Variants in COL13A1 observed in about 807,000 individuals in gnomAD.
The protein encoded by COL13A1 is collagen alpha-1(XIII) chain.
Under a neutral mutation model 130.9 loss-of-function variants are expected in COL13A1, and 89 were observed. The observed-to-expected ratio is 0.68, with a 90% CI of 0.57 to 0.81. COL13A1 has a LOEUF of 0.81. Among genes scored for constraint, COL13A1 ranks in the 30% least tolerant of loss-of-function variants. The pLI is 0.00. For synonymous variants in COL13A1, 402 were observed against 341.6 expected (o/e 1.18, Z -1.95); for missense variants, 879 against 934.6 (o/e 0.94, Z 0.78).
At position 69,883,404 on chromosome 10, in the gene COL13A1, C is replaced by A. The variant is rs537730553; in HGVS notation, c.513+2851C>A. 5.9e-5 allele frequency among the ~76,000 whole-genome samples: 9 copies of A among 152,340 alleles called. No homozygotes were observed. The South Asian group carries it at 1.7e-3, about 28-fold the overall frequency. On this transcript the variant is annotated intron_variant, in intron 7 of 40. Transcript: ENST00000645393. Reference sequence around the variant, plus strand: ...ACTTCCAGTCCTCATCCACTAGGAGCCACCCCACACCAGGTAGACACACCT... The same window carrying A: ...ACTTCCAGTCCTCATCCACTAGGAGACACCCCACACCAGGTAGACACACCT...
chr10:69,936,405 C>G (rs975764356), intron 32 of COL13A1, among the ~76,000 whole-genome samples: 2 of 152,180 alleles, frequency 1.3e-5, no homozygotes, highest in Non-Finnish European at 2.9e-5. Flanking sequence ...TAGGAGCCAG[C>G]GTTTATTGAA....
At chr10:69,849,690 C>T (rs1854180068) in intron 2 of COL13A1, among the ~76,000 whole-genome samples, 1 of 152,226 alleles carries the variant, frequency 6.6e-6, no homozygotes, top group Non-Finnish European at 1.5e-5. Context: ...TCTTCCCAGC[C>T]TGCCTCGACC....
intron 2 of COL13A1, among the ~76,000 whole-genome samples, chr10:69,863,535 GA>G (rs953098086): frequency 6.6e-6 from 1 of 152,156 alleles, no homozygotes; most frequent in Non-Finnish European, 1.5e-5. Context: ...AGATGACACT[GA>G]ACTTGGGAGC....
intron 2 of COL13A1, among the ~76,000 whole-genome samples, chr10:69,832,433 A>G (rs1049444606): frequency 6.6e-6 from 1 of 152,234 alleles, no homozygotes; most frequent in African/African-American, 2.4e-5. Flanking sequence ...TAAGGATCTT[A>G]CAGGGTTATT....
At chr10:69,821,985 T>A (rs1386647089) in intron 1 of COL13A1, among the ~76,000 whole-genome samples, 1 of 152,280 alleles carries the variant, frequency 6.6e-6, no homozygotes, top group East Asian at 1.9e-4. Flanking sequence ...CAGAAGGCAC[T>A]GTCCCTGCCC....
chr10:69,881,934 T>C (rs1035810554), intron 7 of COL13A1, among the ~76,000 whole-genome samples: 9 of 152,206 alleles, frequency 5.9e-5, no homozygotes, highest in African/African-American at 2.2e-4. Flanking sequence ...CCAGACCATC[T>C]GGCTCCAGTC....
intron 17 of COL13A1, among the ~76,000 whole-genome samples, chr10:69,914,794 C>T (rs1397604171): frequency 3.9e-5 from 6 of 152,198 alleles, no homozygotes; most frequent in African/African-American, 7.2e-5. Flanking sequence ...ACCGCTGTGG[C>T]GGGAGTAGCC....
chr10:69,882,060 G>C (rs933398628), intron 7 of COL13A1, among the ~76,000 whole-genome samples: 4 of 152,356 alleles, frequency 2.6e-5, no homozygotes, highest in Middle Eastern at 3.4e-3. Context: ...GTGTCCTGGA[G>C]GAGGTGCAGC....
intron 7 of COL13A1, 82 bp from the exon 8 acceptor site, chr10:69,887,374 G>T: frequency 7.0e-7 from 1 of 1,423,852 alleles, no homozygotes. Context: ...AGGGATGGGA[G>T]CAAAGATGAA....
intron 27 of COL13A1, among the ~76,000 whole-genome samples, chr10:69,928,201 AT>A (rs570925281): frequency 2.6e-5 from 4 of 151,902 alleles, no homozygotes; most frequent in African/African-American, 9.7e-5. Flanking sequence ...TCCCAGAAAC[AT>A]TTTTTTTCCT....
intron 29 of COL13A1, 149 bp from the exon 30 acceptor site, chr10:69,930,251 G>C (rs1309911473): frequency 3.8e-6 from 4 of 1,047,700 alleles, no homozygotes; most frequent in Non-Finnish European, 5.5e-6. Flanking sequence ...CAAGCCCCAG[G>C]AGGAGCCAGG....
chr10:69,927,902 G>C (rs996269403), intron 27 of COL13A1, among the ~76,000 whole-genome samples: 6 of 152,244 alleles, frequency 3.9e-5, no homozygotes, highest in Non-Finnish European at 8.8e-5. Flanking sequence ...GCTTATGCCT[G>C]TAATCCCAGC....
intron 2 of COL13A1, among the ~76,000 whole-genome samples, chr10:69,840,124 C>A (rs1479210478): frequency 6.6e-6 from 1 of 152,132 alleles, no homozygotes; most frequent in East Asian, 1.9e-4. Flanking sequence ...GATGGGCTGG[C>A]TGTCGGGTGA....
rs114867816 is a variant in COL13A1, at chr10:69,849,350, G to T, written c.365-18448G>T. 6.6e-3 allele frequency among the ~76,000 whole-genome samples: 1,011 copies of T among 152,208 alleles called. 18 individuals are homozygous for T. The highest frequency in any genetic ancestry group is 0.021 in the African/African-American group (891 of 41,552). On this transcript the variant is annotated intron_variant, in intron 2 of 40. Transcript: ENST00000645393. ...GGTGCAGGGGATGGGGAGCGGGGGT[G>T]GGGGGCGCTTCCGCAGCAGTGCCCC...
intron 26 of COL13A1, among the ~76,000 whole-genome samples, chr10:69,926,514 G>A (rs1311428962): frequency 6.6e-6 from 1 of 152,196 alleles, no homozygotes; most frequent in Non-Finnish European, 1.5e-5. Context: ...ATCCCTTGGG[G>A]GAAGAAATTG....
intron 31 of COL13A1, among the ~76,000 whole-genome samples, chr10:69,934,480 T>G (rs1376233654): frequency 6.6e-6 from 1 of 152,218 alleles, no homozygotes; most frequent in East Asian, 1.9e-4. Context: ...TGTCGTGGCC[T>G]GGCACAGGAG....
At position 69,930,515 on chromosome 10, in the gene COL13A1, AG is replaced by A. The variant is rs2135830257; in HGVS notation, c.1651del (p.Glu551LysfsTer54). On this transcript the variant is annotated frameshift_variant, in exon 30 of 41. Coordinates refer to ENST00000645393, the MANE Select transcript of COL13A1 (RefSeq NM_001368882.1). LOFTEE classifies it high-confidence loss of function. ...ENGHPGSPGEKGEKGETGQAG... is the reference protein window; with the variant it reads ...ENGHPGSPGEXGEKGETGQAG... The stretch of plus-strand genomic sequence containing the variant: ...GGGCACCCAGGGAGCCCAGGAGAGA[AG>A]GGGGAAAAAGGGGAGACAGGACAAG... 1 of 1,613,666 alleles carries A rather than the reference AG, an allele frequency of 6.2e-7. No homozygotes were observed. Among genetic ancestry groups the A allele is most frequent in the Non-Finnish European group, 8.5e-7 (1 of 1,179,720 alleles).
At chr10:69,939,811 G>A (rs78644929) in intron 34 of COL13A1, among the ~76,000 whole-genome samples, 2,909 of 152,322 alleles carry the variant, frequency 0.019, 69 homozygotes, top group South Asian at 0.093. Flanking sequence ...GAGAACCACA[G>A]CTCTCTAGCC....
chr10:69,803,963 A>G (rs1840766108), intron 1 of COL13A1, among the ~76,000 whole-genome samples: 1 of 152,062 alleles, frequency 6.6e-6, no homozygotes, highest in South Asian at 2.1e-4. Context: ...GCAGTTCTCC[A>G]GGGTGGCCAA....
Sources: gnomAD v4.1 joint callset for allele counts (sites outside exome capture counted in the v4.1 genomes callset) on GRCh38, gnomAD v4.1.1 for gene constraint, MANE v1.5 for transcripts, NCBI Gene and HGNC (gene_info 2026-07-23, HGNC 2026-07-21) for gene names.